The following MILR1 variants were observed in gnomAD, a reference collection of about 807,000 sequenced individuals.
The protein encoded by MILR1 is mast cell immunoglobulin like receptor 1.
In MILR1, 31 loss-of-function variants were observed where a neutral mutation model predicts 18.5. That is an observed-to-expected ratio of 1.68 (90% CI 1.26 to 2.26). The LOEUF is 2.26. Ranked by LOEUF, MILR1 falls within the 30% of genes most tolerant of loss-of-function variation. MILR1 has a pLI of 0.00. For synonymous variants in MILR1, 85 were observed against 56.2 expected (o/e 1.51, Z -2.30); for missense variants, 257 against 157.4 (o/e 1.63, Z -3.38).
intron 5 of MILR1, 80 bp downstream of exon 5, chr17:64,461,012 G>A (rs2144050665): frequency 4.4e-6 from 2 of 457,704 alleles, no homozygotes; most frequent in Non-Finnish European, 4.0e-6. Context: ...TGAGGAGAAA[G>A]AGAAAAGGGG....
In MILR1 at chr17:64,457,383, C is replaced by A; in HGVS notation, c.368-17C>A. 1 of 473,978 alleles carries A rather than the reference C, an allele frequency of 2.1e-6. No homozygotes were observed. Among genetic ancestry groups the A allele is most frequent in the South Asian group, 6.8e-5 (1 of 14,696 alleles). 29.4% of individuals were successfully genotyped at this position (473,978 alleles called of 1,614,324 possible). ...CCAGTCTGTTTATCCTTTTCATGTT[C>A]ACTTTCATTCTTCCAGACCCGGTGA... On this transcript the variant is annotated splice_polypyrimidine_tract_variant and intron_variant, in intron 3 of 9. Coordinates refer to ENST00000619286, the MANE Select transcript of MILR1 (RefSeq NM_001085423.2).
At chr17:64,462,889 G>A (rs2037464555) in intron 5 of MILR1, among the ~76,000 whole-genome samples, 1 of 152,036 alleles carries the variant, frequency 6.6e-6, no homozygotes, top group African/African-American at 2.4e-5. Flanking sequence ...GCCTCCCAAA[G>A]TGCTGGGATT....
chr17:64,478,962 G>A, the MILR1 span, among the ~76,000 whole-genome samples: 2 of 152,136 alleles, frequency 1.3e-5, no homozygotes, highest in African/African-American at 2.4e-5. Flanking sequence ...AACATAGTAC[G>A]TGTTTAATAA....
At chr17:64,482,379 T>C in the MILR1 span, among the ~76,000 whole-genome samples, 1 of 151,076 alleles carries the variant, frequency 6.6e-6, no homozygotes, top group African/African-American at 2.5e-5. Flanking sequence ...TGGAGTGCAG[T>C]GGTGCTATCT....
At chr17:64,494,514 A>G in the MILR1 span, among the ~76,000 whole-genome samples, 1 of 152,160 alleles carries the variant, frequency 6.6e-6, no homozygotes, top group East Asian at 1.9e-4. Flanking sequence ...GAATTTTCTA[A>G]TGTATCTTTC....
the MILR1 span, chr17:64,480,340 C>A: frequency 6.2e-7 from 1 of 1,601,842 alleles, no homozygotes; most frequent in Non-Finnish European, 8.5e-7. Flanking sequence ...ATAACCAGGC[C>A]ACACAGAAAT....
the MILR1 span, among the ~76,000 whole-genome samples, chr17:64,489,369 A>C: frequency 7.6e-4 from 116 of 151,840 alleles, 1 homozygote; most frequent in Non-Finnish European, 1.5e-3. Flanking sequence ...TTTAAAAAAA[A>C]AAAAAAGGGA....
chr17:64,474,782 T>A, the MILR1 span, among the ~76,000 whole-genome samples: 17 of 152,074 alleles, frequency 1.1e-4, no homozygotes, highest in African/African-American at 4.1e-4. Context: ...ATTCCTAGTA[T>A]CCAAAGTATG....
intron 2 of MILR1, among the ~76,000 whole-genome samples, chr17:64,450,050 T>C (rs1002125866): frequency 1.6e-4 from 24 of 151,920 alleles, no homozygotes; most frequent in Non-Finnish European, 3.4e-4. Context: ...GTGATTCTCC[T>C]GCCTCAGCCT....
At chr17:64,491,704 C>T in the MILR1 span, 3 of 1,018,712 alleles carry the variant, frequency 2.9e-6, no homozygotes, top group Non-Finnish European at 4.5e-6. Flanking sequence ...TCGGGGTTTA[C>T]CATGGTGCTG....
the MILR1 span, chr17:64,481,376 T>C: frequency 1.0e-6 from 1 of 985,366 alleles, no homozygotes; most frequent in Non-Finnish European, 1.2e-6. Context: ...TTAAATCTTT[T>C]TAGTGTCCGC....
chr17:64,492,073 T>C, the MILR1 span, among the ~76,000 whole-genome samples: 1 of 152,200 alleles, frequency 6.6e-6, no homozygotes, highest in African/African-American at 2.4e-5. Context: ...TCCAGACTTT[T>C]ATGGCCAATG....
In MILR1 at chr17:64,455,499, G is replaced by A. The variant is rs1038707698; in HGVS notation, c.368-1901G>A. Reference sequence around the variant, plus strand: ...AGATGGATCTTGCTCTGTCACTCAGGCTGGAGTGCAGTGGCACCATCTCGG... The same window carrying A: ...AGATGGATCTTGCTCTGTCACTCAGACTGGAGTGCAGTGGCACCATCTCGG... On this transcript the variant is annotated intron_variant, in intron 3 of 9. Coordinates refer to ENST00000619286, the MANE Select transcript of MILR1 (RefSeq NM_001085423.2). 6.1e-3 allele frequency among the ~76,000 whole-genome samples: 924 copies of A among 152,006 alleles called. 8 individuals are homozygous for A. Among genetic ancestry groups the A allele is most frequent in the African/African-American group, 0.021 (887 of 41,474 alleles).
intron 3 of MILR1, among the ~76,000 whole-genome samples, chr17:64,454,116 G>C (rs2037237570): frequency 6.6e-6 from 1 of 151,746 alleles, no homozygotes; most frequent in Non-Finnish European, 1.5e-5. Flanking sequence ...TTTTAATAGA[G>C]ATGGGGTTTC....
the MILR1 span, among the ~76,000 whole-genome samples, chr17:64,490,174 C>T: frequency 1.3e-5 from 2 of 152,136 alleles, no homozygotes; most frequent in African/African-American, 2.4e-5. Context: ...CCTCCCACTT[C>T]GGCCTCACAA....
At chr17:64,492,972 T>C in the MILR1 span, 2 of 1,613,984 alleles carry the variant, frequency 1.2e-6, no homozygotes, top group South Asian at 2.2e-5. Context: ...GGCCATAAGG[T>C]AGCCTCTTGT....
intron 8 of MILR1, among the ~76,000 whole-genome samples, chr17:64,466,987 CTT>C (rs1379693410): frequency 1.3e-5 from 2 of 151,792 alleles, no homozygotes; most frequent in African/African-American, 4.8e-5. Flanking sequence ...CTTTCTTTCT[CTT>C]TCTGTCTCTC....
the MILR1 span, chr17:64,480,326 C>G: frequency 6.3e-7 from 1 of 1,597,974 alleles, no homozygotes; most frequent in Non-Finnish European, 8.6e-7. Context: ...TGCATAGTTT[C>G]CAAATAACCA....
At chr17:64,490,065 T>A in the MILR1 span, among the ~76,000 whole-genome samples, 1 of 151,974 alleles carries the variant, frequency 6.6e-6, no homozygotes, top group South Asian at 2.1e-4. Context: ...GCTGAGACTA[T>A]AAGGGCAAGC....
Sources: gnomAD v4.1 joint callset for allele counts (sites outside exome capture counted in the v4.1 genomes callset) on GRCh38, gnomAD v4.1.1 for gene constraint, MANE v1.5 for transcripts, NCBI Gene and HGNC (gene_info 2026-07-23, HGNC 2026-07-21) for gene names.